Variants in KLHL14 observed in about 807,000 individuals in gnomAD.
KLHL14 encodes kelch-like protein 14.
KLHL14 carries 22 observed loss-of-function variants against 64.3 expected under a neutral mutation model. That is an observed-to-expected ratio of 0.34 (90% CI 0.24 to 0.49). The LOEUF is 0.49. Among genes scored for constraint, KLHL14 ranks in the 20% least tolerant of loss-of-function variants. The pLI is 0.99. For missense variants in KLHL14, 661 were observed against 789.0 expected (o/e 0.84, Z 1.94); for synonymous variants, 322 against 333.4 (o/e 0.97, Z 0.37).
At chr18:32,731,315 T>C (rs1294998422) in intron 3 of KLHL14, among the ~76,000 whole-genome samples, 2 of 152,238 alleles carry the variant, frequency 1.3e-5, no homozygotes, top group African/African-American at 2.4e-5. Flanking sequence ...ATTATCTTTC[T>C]ATTTGTTTTG....
intron 3 of KLHL14, among the ~76,000 whole-genome samples, chr18:32,719,088 G>A (rs907612065): frequency 3.9e-5 from 6 of 152,106 alleles, no homozygotes; most frequent in African/African-American, 1.4e-4. Flanking sequence ...AGCTGGGATT[G>A]CAGGCATGTG....
At chr18:32,711,035 A>G (rs749728977) in intron 3 of KLHL14, among the ~76,000 whole-genome samples, 7 of 152,208 alleles carry the variant, frequency 4.6e-5, no homozygotes, top group Non-Finnish European at 1.0e-4. Flanking sequence ...GAACTGTGTG[A>G]ACAGCAAATA....
chr18:32,752,462 A>T (rs1011474943), intron 2 of KLHL14, among the ~76,000 whole-genome samples: 2 of 152,046 alleles, frequency 1.3e-5, no homozygotes, highest in African/African-American at 4.8e-5. Context: ...TAGACCCTCC[A>T]CCTTTTATCC....
At chr18:32,768,124 T>C (rs1432962576) in intron 2 of KLHL14, among the ~76,000 whole-genome samples, 2 of 152,200 alleles carry the variant, frequency 1.3e-5, no homozygotes, top group African/African-American at 4.8e-5. Flanking sequence ...TTTTTCCTCA[T>C]TGGCCTCTTG....
At chr18:32,713,156 C>A (rs1254924551) in intron 3 of KLHL14, among the ~76,000 whole-genome samples, 2 of 152,180 alleles carry the variant, frequency 1.3e-5, no homozygotes, top group Non-Finnish European at 2.9e-5. Context: ...GAGCAGAGAC[C>A]TAATGAGATG....
At chr18:32,760,355 C>CACACATAT (rs149165421) in intron 2 of KLHL14, among the ~76,000 whole-genome samples, 186 of 151,704 alleles carry the variant, frequency 1.2e-3, no homozygotes, top group East Asian at 9.0e-3. Context: ...CACACACACA[C>CACACATAT]ACACACATAT....
chr18:32,679,985 A>G (rs893754664), intron 7 of KLHL14, among the ~76,000 whole-genome samples, 184 bp downstream of exon 7: 1 of 152,118 alleles, frequency 6.6e-6, no homozygotes, highest in African/African-American at 2.4e-5. Flanking sequence ...AAATAATCCT[A>G]TCTGCAGCAA....
At chr18:32,722,601 C>G (rs918315398) in intron 3 of KLHL14, among the ~76,000 whole-genome samples, 3 of 152,112 alleles carry the variant, frequency 2.0e-5, no homozygotes, top group African/African-American at 7.2e-5. Context: ...CAACACAACA[C>G]TGTACCATGA....
chr18:32,717,167 C>T (rs1380706960), intron 3 of KLHL14, among the ~76,000 whole-genome samples: 3 of 152,060 alleles, frequency 2.0e-5, no homozygotes, highest in African/African-American at 4.8e-5. Flanking sequence ...CGTGAGAAAA[C>T]GTTATAAATT....
intron 3 of KLHL14, among the ~76,000 whole-genome samples, chr18:32,709,062 A>G (rs1174894341): frequency 6.6e-6 from 1 of 152,176 alleles, no homozygotes; most frequent in Non-Finnish European, 1.5e-5. Context: ...TCAGGTGATG[A>G]CATTCACTTC....
Position 32,769,871 on chromosome 18 carries a change from T to A in KLHL14, c.721A>T (p.Met241Leu), listed in dbSNP as rs757120274. The A allele has an allele frequency of 2.5e-6, 4 of 1,613,814 alleles. No homozygotes were observed. The South Asian group carries it at 4.4e-5, about 18-fold the overall frequency. ...PVESELALFQMSVLWLEHDRE... is the reference protein window; with the variant it reads ...PVESELALFQLSVLWLEHDRE... ...TCGTGCTCCAGCCACAGCACGGACA[T>A]CTGGAAGAGCGCCAGCTCCGACTCC... The change falls in exon 2 of 9, where the codon ATG (methionine) becomes TTG (leucine). Residue 241 changes from methionine (M) to leucine (L), a missense_variant. This residue lies in a region of KLHL14 where 331 missense variants were observed against 339.0 expected (regional missense o/e 0.98). Coordinates refer to ENST00000359358, the MANE Select transcript of KLHL14 (RefSeq NM_020805.3).
intron 2 of KLHL14, among the ~76,000 whole-genome samples, chr18:32,748,652 C>CA (rs1491108251): frequency 1.1e-4 from 15 of 133,058 alleles, no homozygotes; most frequent in African/African-American, 4.2e-4. Flanking sequence ...CCGCACCAGG[C>CA]TTTTTTTTTT....
intron 2 of KLHL14, among the ~76,000 whole-genome samples, chr18:32,768,749 T>C (rs550903281): frequency 1.3e-5 from 2 of 152,180 alleles, no homozygotes; most frequent in Non-Finnish European, 2.9e-5. Flanking sequence ...TTAAAAGGCA[T>C]CATTTCTCTC....
chr18:32,695,656 A>G, intron 3 of KLHL14, 104 bp from the exon 4 acceptor site: 1 of 707,948 alleles, frequency 1.4e-6, no homozygotes, highest in South Asian at 1.8e-5. Context: ...AAAATGTGAG[A>G]CTGAGTCAGA....
rs2144200797 is a variant in KLHL14, at chr18:32,770,456, A to C, written c.136T>G (p.Cys46Gly). 6.2e-7 allele frequency: 1 copy of C among 1,612,510 alleles called. No individual in the cohort carries two copies. Among genetic ancestry groups the C allele is most frequent in the South Asian group, 1.1e-5 (1 of 90,982 alleles). ...CAGGAGGCCAGCACGGCCTTGTGGC[A>C]ATGGAACTGCTGGCCCTGGGCCGTC... ...TLTAQGQQFH[C>G]HKAVLASCSQ... Residue 46 changes from cysteine to glycine, a missense_variant, in exon 2 of 9, where the codon TGC becomes GGC. Transcript: ENST00000359358. The surrounding 1 kb of genome is among the most constrained non-coding windows in gnomAD (Gnocchi z 6.7).
At chr18:32,753,934 C>T (rs779123387) in intron 2 of KLHL14, among the ~76,000 whole-genome samples, 2 of 152,196 alleles carry the variant, frequency 1.3e-5, no homozygotes, top group Non-Finnish European at 2.9e-5. Context: ...CTCATTAATC[C>T]TCCCCACATC....
intron 3 of KLHL14, chr18:32,740,641 C>T (rs1366639061): frequency 1.3e-5 from 2 of 152,160 alleles, no homozygotes; most frequent in African/African-American, 4.8e-5. Flanking sequence ...TCAGCTTGGC[C>T]ACTCACTCCG....
Position 32,673,540 on chromosome 18 carries a change from T to C in KLHL14, c.*1117A>G, listed in dbSNP as rs2049795977. On this transcript the variant is annotated 3_prime_UTR_variant, in exon 9 of 9. Transcript: ENST00000359358. ...AACTGAGTTCAGGCATCTCTGGTGA[T>C]AACAAACAAAATATGATGAATTGGG... 2 of 152,200 alleles carry C rather than the reference T, an allele frequency of 1.3e-5. No homozygotes were observed. Among genetic ancestry groups the C allele is most frequent in the South Asian group, 2.1e-4 (1 of 4,828 alleles). The allele number at this position is 152,200 out of a possible 1,614,324, so 9.4% of individuals were successfully genotyped here. A position where few individuals can be genotyped will look rare whatever the true frequency, so the allele number is the denominator to read the frequency against.
intron 3 of KLHL14, chr18:32,740,983 AC>A (rs1287933569): frequency 6.6e-6 from 1 of 152,244 alleles, no homozygotes; most frequent in Non-Finnish European, 1.5e-5. Flanking sequence ...AGGGAAGGAA[AC>A]GATTTTTGAA....
Sources: gnomAD v4.1 joint callset for allele counts (sites outside exome capture counted in the v4.1 genomes callset) on GRCh38, gnomAD v4.1.1 for gene constraint, gnomAD v4.1.1 regional missense constraint, Gnocchi (gnomAD v3.1) non-coding constraint, MANE v1.5 for transcripts, NCBI Gene and HGNC (gene_info 2026-07-23, HGNC 2026-07-21) for gene names.